The following OGFOD2 variants were observed in gnomAD, a reference collection of about 807,000 sequenced individuals.
OGFOD2 encodes 2-oxoglutarate and iron dependent oxygenase domain containing 2.
OGFOD2 carries 34 observed loss-of-function variants against 31.1 expected under a neutral mutation model. The ratio of observed to expected loss-of-function variants is 1.09; its 90% confidence interval spans 0.83 to 1.45. The LOEUF is 1.45. OGFOD2 is among the 40% of genes most tolerant of loss of function. The pLI is 0.00. For synonymous variants in OGFOD2, 240 were observed against 192.3 expected (o/e 1.25, Z -2.05); for missense variants, 537 against 433.9 (o/e 1.24, Z -2.11).
chr12:122,975,249 A>C (rs772747789), exon 1 of OGFOD2: 2 of 675,884 alleles, frequency 3.0e-6, no homozygotes, highest in South Asian at 3.0e-5. Flanking sequence ...TGGGTGCTTC[A>C]CTATGGCGAC....
At position 122,975,434 on chromosome 12, in the gene OGFOD2, G is replaced by T. The variant is rs983986016; in HGVS notation, c.132+51G>T. ...GAGCAGTGGGCAGAGAGGGGTAGTG[G>T]AGGAGGGAAGTTCGTCCCCAGGGTC... On this transcript the variant is annotated intron_variant, in intron 1 of 6. Transcript: ENST00000228922. 4 of 638,160 alleles carry T rather than the reference G, an allele frequency of 6.3e-6. No homozygotes were observed. The African/African-American group carries it at 7.3e-5, about 12-fold the overall frequency. 39.5% of individuals were successfully genotyped at this position (638,160 alleles called of 1,614,324 possible).
At chr12:122,979,318 C>A in exon 7 of OGFOD2, 1 of 1,611,694 alleles carries the variant, frequency 6.2e-7, no homozygotes, top group Non-Finnish European at 8.5e-7. Flanking sequence ...GAGGAGCCCG[C>A]CACGGTGGAT....
At chr12:122,975,432 TGGA>T in intron 1 of OGFOD2, 49 bp downstream of exon 1, 2 of 642,114 alleles carry the variant, frequency 3.1e-6, no homozygotes, top group South Asian at 3.2e-5. Flanking sequence ...AGAGGGGTAG[TGGA>T]GGAGGGAAGT....
exon 7 of OGFOD2, chr12:122,979,310 G>C: frequency 6.2e-7 from 1 of 1,612,356 alleles, no homozygotes; most frequent in Non-Finnish European, 8.5e-7. Flanking sequence ...TCACCCGAGA[G>C]GAGCCCGCCA....
At chr12:122,977,456 C>T (rs1484292744) in intron 4 of OGFOD2, 10 of 209,086 alleles carry the variant, frequency 4.8e-5, no homozygotes, top group African/African-American at 2.3e-5. Flanking sequence ...CACTTCTCTT[C>T]GGATTTCTTG....
intron 4 of OGFOD2, chr12:122,978,165 A>G: frequency 3.1e-6 from 1 of 318,250 alleles, no homozygotes; most frequent in Middle Eastern, 9.8e-4. Context: ...TCCCTGGGCT[A>G]CTTCCTTCCC....
At chr12:122,975,306 G>A (rs936068901) in exon 1 of OGFOD2, 12 of 701,722 alleles carry the variant, frequency 1.7e-5, no homozygotes, top group Middle Eastern at 2.3e-4. Flanking sequence ...CTTCTGCACC[G>A]ATAACTTGTA....
At chr12:122,975,118 C>A, upstream of OGFOD2, 2 of 510,762 alleles carry the variant, frequency 3.9e-6, no homozygotes, top group Non-Finnish European at 7.1e-6. Flanking sequence ...CGTTTCCTGG[C>A]GAGGTGCGTC....
At chr12:122,978,319 C>T in intron 4 of OGFOD2, 123 bp from the exon 5 acceptor site, 1 of 1,244,254 alleles carries the variant, frequency 8.0e-7, no homozygotes, top group East Asian at 2.5e-5. Flanking sequence ...TAAGTCATCA[C>T]AATAGCCCTG....
chr12:122,979,495 CTTAG>C, exon 7 of OGFOD2: 1 of 1,036,398 alleles, frequency 9.6e-7, no homozygotes, highest in African/African-American at 1.6e-5. Flanking sequence ...AAGATGCTGC[CTTAG>C]TTCAGGTTTG....
At chr12:122,978,225 G>T in intron 4 of OGFOD2, 1 of 535,064 alleles carries the variant, frequency 1.9e-6, no homozygotes, top group Non-Finnish European at 3.3e-6. Context: ...CAGCCCTGTG[G>T]ACACTTGTAG....
At position 122,976,855 on chromosome 12, in the gene OGFOD2, T is replaced by G; in HGVS notation, c.304-16T>G. 1 of 1,598,200 alleles carries G rather than the reference T, an allele frequency of 6.3e-7. No individual in the cohort carries two copies. ...GGGGTGCTGCCTGCCCCACAGCTGG[T>G]GTGTTTTGCTCCCAGGATGCAGCTC... On this transcript the variant is annotated splice_polypyrimidine_tract_variant and intron_variant, in intron 3 of 6. Transcript: ENST00000228922.
intron 4 of OGFOD2, 77 bp from the exon 5 acceptor site, chr12:122,978,365 G>C: frequency 6.3e-7 from 1 of 1,575,786 alleles, no homozygotes; most frequent in South Asian, 1.1e-5. Flanking sequence ...CACAGGTGAT[G>C]AAACAGGAAG....
At chr12:122,978,659 C>T in intron 5 of OGFOD2, 90 bp downstream of exon 5, 1 of 1,586,978 alleles carries the variant, frequency 6.3e-7, no homozygotes, top group Non-Finnish European at 8.6e-7. Flanking sequence ...CCTGCCCGGG[C>T]TGCGAAAGAA....
At chr12:122,975,183 C>G (rs75980290), upstream of OGFOD2, 8,801 of 503,370 alleles carry the variant, frequency 0.017, 590 homozygotes, top group African/African-American at 0.15. Context: ...GCTGGTTCCG[C>G]GCCTCCCGCG....
rs200666298 is a variant in OGFOD2, at chr12:122,978,601, G to A, written c.531+32G>A. ...GAGGCCTGGCCGGTGGCAGAGGAGGGGGTGGCTGGGGTCAGGAGGCAGTGT... is the reference window on the plus strand; with the variant it reads ...GAGGCCTGGCCGGTGGCAGAGGAGGAGGTGGCTGGGGTCAGGAGGCAGTGT... On this transcript the variant is annotated intron_variant, in intron 5 of 6. Transcript: ENST00000228922. 260 of 1,605,026 alleles carry A rather than the reference G, an allele frequency of 1.6e-4. 1 individual carries two copies. The African/African-American group carries it at 2.8e-3, about 17-fold the overall frequency.
exon 7 of OGFOD2, chr12:122,979,122 G>C (rs764232691): frequency 3.1e-6 from 5 of 1,603,166 alleles, no homozygotes; most frequent in South Asian, 1.1e-5. Flanking sequence ...GGTGGAGCAC[G>C]TGGTGGGCCA....
chr12:122,979,479 T>C, exon 7 of OGFOD2: 3 of 1,123,312 alleles, frequency 2.7e-6, no homozygotes, highest in Non-Finnish European at 3.7e-6. Context: ...GGTCATTCTA[T>C]GGGCAAAGAT....
rs2037510328 is a variant in OGFOD2 at position 122,978,748 on chromosome 12, C to T, written c.532-5C>T. 2.7e-5 allele frequency: 44 copies of T among 1,606,456 alleles called. No homozygotes were observed. Among genetic ancestry groups the T allele is most frequent in the Non-Finnish European group, 3.4e-5 (40 of 1,176,344 alleles). On this transcript the variant is annotated splice_region_variant and splice_polypyrimidine_tract_variant and intron_variant, in intron 5 of 6. Transcript: ENST00000228922. ...TCCTTGCTGACCCCAGGAATCCCCT[C>T]CCAGGTGCTGCTGCACGAGCTCGGG...
Sources: allele counts gnomAD v4.1 joint callset, GRCh38; gene constraint gnomAD v4.1.1; transcripts MANE v1.5; gene names NCBI Gene and HGNC (gene_info 2026-07-23, HGNC 2026-07-21).